The following GRIK2 variants were observed in gnomAD, a reference collection of about 807,000 sequenced individuals.
The protein encoded by GRIK2 is glutamate receptor ionotropic, kainate 2.
A neutral mutation model predicts 100.3 loss-of-function variants in GRIK2; 32 were observed. The observed-to-expected ratio is 0.32, with a 90% CI of 0.24 to 0.43. GRIK2 has a LOEUF of 0.43. Among genes scored for constraint, GRIK2 ranks in the 20% least tolerant of loss-of-function variants. The pLI is 1.00. For missense variants in GRIK2, 843 were observed against 1,114.9 expected, an observed-to-expected ratio of 0.76 and a Z score of 3.47; for synonymous variants, 417 against 389.4, an observed-to-expected ratio of 1.07 and a Z score of -0.83.
chr6:102,005,198 C>T (rs1320467653), intron 14 of GRIK2, among the ~76,000 whole-genome samples: 2 of 151,056 alleles, frequency 1.3e-5, no homozygotes, highest in African/African-American at 4.9e-5. Context: ...AAGATATGTA[C>T]ATATATATGT....
chr6:101,694,994 G>A (rs1041038274), intron 7 of GRIK2, among the ~76,000 whole-genome samples: 16 of 149,348 alleles, frequency 1.1e-4, no homozygotes, highest in Non-Finnish European at 4.4e-5. Context: ...TAAAATAAGA[G>A]GGAAATATAT....
At chr6:101,883,004 CATT>C (rs1786362283) in intron 11 of GRIK2, among the ~76,000 whole-genome samples, 1 of 151,308 alleles carries the variant, frequency 6.6e-6, no homozygotes, top group Non-Finnish European at 1.5e-5. Flanking sequence ...TAAAAAATCT[CATT>C]TTTTAAAATT....
chr6:101,901,166 G>C (rs1319427001), intron 12 of GRIK2, among the ~76,000 whole-genome samples: 2 of 151,560 alleles, frequency 1.3e-5, no homozygotes, highest in Admixed American at 1.3e-4. Flanking sequence ...TAGCTATATT[G>C]GTAAGAAATA....
At chr6:101,700,761 T>C (rs1474471936) in intron 7 of GRIK2, among the ~76,000 whole-genome samples, 1 of 152,108 alleles carries the variant, frequency 6.6e-6, no homozygotes, top group Non-Finnish European at 1.5e-5. Flanking sequence ...GGAAGGCATA[T>C]CTGGTGGCTC....
intron 2 of GRIK2, among the ~76,000 whole-genome samples, chr6:101,595,741 T>TATATATATATATATATATATA (rs1778899760): frequency 1.4e-5 from 2 of 146,366 alleles, no homozygotes; most frequent in Non-Finnish European, 3.0e-5. Context: ...TATATATATA[T>TATATATATATATATATATATA]TCATACACAT....
At chr6:101,873,563 C>G (rs1386042038) in intron 11 of GRIK2, among the ~76,000 whole-genome samples, 1 of 152,134 alleles carries the variant, frequency 6.6e-6, no homozygotes, top group East Asian at 1.9e-4. Context: ...CATACATGTG[C>G]ATGTTTCTTT....
Position 101,867,593 on chromosome 6 carries a change from C to A in GRIK2, c.1524+8100C>A, listed in dbSNP as rs1051806302. 2.0e-4 allele frequency among the ~76,000 whole-genome samples: 31 copies of A among 151,250 alleles called. 1 individual carries two copies. The highest frequency in any genetic ancestry group is 5.9e-5 in the Non-Finnish European group (4 of 67,794). ...AACAACCATTTATTGAATATATATT[C>A]TGAGAAACACACAGTAACCACAGCA... On this transcript the variant is annotated intron_variant, in intron 11 of 16. Coordinates refer to ENST00000369134, the MANE Select transcript of GRIK2 (RefSeq NM_021956.5).
chr6:101,675,457 A>C (rs540175290), intron 4 of GRIK2, among the ~76,000 whole-genome samples: 1 of 152,212 alleles, frequency 6.6e-6, no homozygotes, highest in South Asian at 2.1e-4. Context: ...ACTAGTATAG[A>C]GATGAGATTT....
intron 2 of GRIK2, among the ~76,000 whole-genome samples, chr6:101,520,845 TCA>T (rs1206247557): frequency 1.2e-4 from 19 of 152,196 alleles, no homozygotes; most frequent in African/African-American, 4.3e-4. Flanking sequence ...TCTTGCGGTC[TCA>T]GAGAAAAAAG....
At chr6:101,467,525 A>G (rs1039113344) in intron 2 of GRIK2, among the ~76,000 whole-genome samples, 1 of 152,358 alleles carries the variant, frequency 6.6e-6, no homozygotes, top group African/African-American at 2.4e-5. Context: ...ATGCAAGCTT[A>G]AGGTAAGCTA....
intron 10 of GRIK2, among the ~76,000 whole-genome samples, chr6:101,826,108 C>T (rs1473747188): frequency 6.8e-6 from 1 of 147,974 alleles, no homozygotes; most frequent in African/African-American, 2.7e-5. Flanking sequence ...TCCTCAGTCC[C>T]TTTAAAACCC....
At chr6:101,544,268 G>A (rs1053742927) in intron 2 of GRIK2, among the ~76,000 whole-genome samples, 23 of 152,200 alleles carry the variant, frequency 1.5e-4, no homozygotes, top group African/African-American at 5.5e-4. Flanking sequence ...AACTATGCTG[G>A]AGAAAATTAA....
At chr6:101,581,168 AT>A (rs1209632420) in intron 2 of GRIK2, among the ~76,000 whole-genome samples, 1 of 71,378 alleles carries the variant, frequency 1.4e-5, no homozygotes, top group Non-Finnish European at 3.0e-5. Context: ...ATATATATAC[AT>A]ATATATATAT....
chr6:102,041,095 A>C (rs1238363622), intron 15 of GRIK2, among the ~76,000 whole-genome samples: 1 of 151,628 alleles, frequency 6.6e-6, no homozygotes, highest in Non-Finnish European at 1.5e-5. Flanking sequence ...AAACATAAGC[A>C]TCTCAATAAG....
chr6:101,805,740 A>T (rs1364263171), intron 9 of GRIK2, among the ~76,000 whole-genome samples: 2 of 152,078 alleles, frequency 1.3e-5, no homozygotes, highest in Non-Finnish European at 2.9e-5. Context: ...GCTGAAAAGA[A>T]GGTCATTTTG....
At chr6:101,560,570 A>C (rs1456782776) in intron 2 of GRIK2, among the ~76,000 whole-genome samples, 1 of 152,116 alleles carries the variant, frequency 6.6e-6, no homozygotes, top group Non-Finnish European at 1.5e-5. Flanking sequence ...TAGAAACTGG[A>C]CATTTAAAAA....
At chr6:101,603,199 C>A (rs1412692706) in intron 2 of GRIK2, among the ~76,000 whole-genome samples, 1 of 151,598 alleles carries the variant, frequency 6.6e-6, no homozygotes, top group Non-Finnish European at 1.5e-5. Context: ...AACATATACA[C>A]CCACAGTATC....
chr6:101,948,469 A>G (rs1381907230), intron 14 of GRIK2, among the ~76,000 whole-genome samples: 1 of 147,550 alleles, frequency 6.8e-6, no homozygotes, highest in East Asian at 1.9e-4. Flanking sequence ...ACACACATAT[A>G]TAGTTATAGT....
intron 2 of GRIK2, among the ~76,000 whole-genome samples, chr6:101,489,330 C>G (rs1772986871): frequency 6.8e-6 from 1 of 146,072 alleles, no homozygotes; most frequent in African/African-American, 2.6e-5. Context: ...CATGGGAACT[C>G]TCTAATAAGA....
Sources: allele counts gnomAD v4.1 joint callset (sites outside exome capture counted in the v4.1 genomes callset), GRCh38; gene constraint gnomAD v4.1.1; transcripts MANE v1.5; gene names NCBI Gene and HGNC (gene_info 2026-07-23, HGNC 2026-07-21).